Variants in NUP210 observed in about 807,000 individuals in gnomAD.
NUP210 encodes nuclear pore membrane glycoprotein 210.
In NUP210, 151 loss-of-function variants were observed where a neutral mutation model predicts 196.0. That is an observed-to-expected ratio of 0.77 (90% confidence interval 0.67 to 0.88). NUP210 has a LOEUF of 0.88. NUP210 is among the 40% of genes least tolerant of loss of function. The probability of loss-of-function intolerance (pLI) is 0.00; values close to 1 mark genes in which losing one functional copy is unlikely to be tolerated. For missense variants in NUP210, 2,314 were observed against 2,493.7 expected (o/e 0.93, Z 1.53); for synonymous variants, 1,070 against 1,052.7 (o/e 1.02, Z -0.32).
rs1236830083 is a variant in NUP210 at position 13,316,347 on chromosome 3, A to T, written c.*1334T>A. The T allele has an allele frequency of 1.3e-5, 2 of 152,272 alleles. No individual in the cohort carries two copies. The highest frequency in any genetic ancestry group is 4.8e-5 in the African/African-American group (2 of 41,462). 9.4% of individuals were successfully genotyped at this position (152,272 alleles called of 1,614,324 possible). ...GCAAGGCACAATTCTTCCTTTCTCCAGCTTTAGAAAAATCAACCACATGGC... is the reference window on the plus strand; with the variant it reads ...GCAAGGCACAATTCTTCCTTTCTCCTGCTTTAGAAAAATCAACCACATGGC... On this transcript the variant is annotated 3_prime_UTR_variant, in exon 40 of 40. Transcript: ENST00000254508.
Position 13,332,291 on chromosome 3 carries a change from A to G in NUP210, c.3935+2T>C. The stretch of plus-strand genomic sequence containing the variant: ...GCTGGAAACAAGAGCTGAGTCACGT[A>G]CCTGTTTGTCTGCAGCTTTATATAT... On this transcript the variant is annotated splice_donor_variant, in intron 29 of 39. Coordinates refer to ENST00000254508, the MANE Select transcript of NUP210 (RefSeq NM_024923.4). LOFTEE classifies it high-confidence loss of function. 2 of 1,611,522 alleles carry G rather than the reference A, an allele frequency of 1.2e-6. No individual in the cohort carries two copies. The highest frequency in any genetic ancestry group is 2.2e-5 in the East Asian group (1 of 44,842).
intron 26 of NUP210, 193 bp from the exon 27 acceptor site, chr3:13,337,111 A>C (rs1461167956): frequency 3.6e-6 from 2 of 552,148 alleles, no homozygotes; most frequent in Non-Finnish European, 6.3e-6. Context: ...TTTTCCCCAT[A>C]CTGTCCCTCC....
intron 1 of NUP210, among the ~76,000 whole-genome samples, chr3:13,406,913 C>A (rs1700023686): frequency 6.6e-6 from 1 of 151,298 alleles, no homozygotes; most frequent in Non-Finnish European, 1.5e-5. Context: ...TCCCAGGGAC[C>A]CCTCATGTAG....
intron 20 of NUP210, among the ~76,000 whole-genome samples, chr3:13,349,837 A>G (rs553981858): frequency 6.6e-6 from 1 of 152,366 alleles, no homozygotes; most frequent in Admixed American, 6.5e-5. Context: ...TGTGGGCTAC[A>G]CTGGAGGCCG....
intron 6 of NUP210, among the ~76,000 whole-genome samples, chr3:13,384,409 T>C (rs1699208505): frequency 6.6e-6 from 1 of 152,186 alleles, no homozygotes. Context: ...GTTTTCCTCA[T>C]GTATGAAACA....
At position 13,323,492 on chromosome 3, in the gene NUP210, C is replaced by T. The variant is rs1377605002; in HGVS notation, c.4645-60G>A. The T allele has an allele frequency of 2.2e-5, 35 of 1,590,090 alleles. No homozygotes were observed. The highest frequency in any genetic ancestry group is 2.1e-5 in the Non-Finnish European group (25 of 1,163,390). ...CGCCTGTGTCCCGGTCCATGCTGGG[C>T]GTTTCCACAACCTCACCCTGCAGTC... On this transcript the variant is annotated intron_variant, in intron 33 of 39. Transcript: ENST00000254508. The surrounding 1 kb of genome is among the most constrained non-coding windows in gnomAD (Gnocchi z 4.3).
At chr3:13,413,179 TGC>T (rs1559352173) in intron 1 of NUP210, among the ~76,000 whole-genome samples, 1 of 148,220 alleles carries the variant, frequency 6.7e-6, no homozygotes, top group Non-Finnish European at 1.5e-5. Flanking sequence ...GCAGAAGAAT[TGC>T]TTGAGGCCGG....
intron 21 of NUP210, 78 bp downstream of exon 21, chr3:13,343,097 A>T (rs898143140): frequency 5.1e-6 from 8 of 1,561,370 alleles, no homozygotes; most frequent in Non-Finnish European, 7.0e-6. Flanking sequence ...GGCCATGCGG[A>T]ACATTCCTCC....
chr3:13,356,460 T>C (rs1004133066), intron 16 of NUP210, among the ~76,000 whole-genome samples: 1 of 152,128 alleles, frequency 6.6e-6, no homozygotes, highest in Non-Finnish European at 1.5e-5. Flanking sequence ...CTGACCAATA[T>C]GGTGAAACCC....
At position 13,321,850 on chromosome 3, in the gene NUP210, G is replaced by T. The variant is rs1189214926; in HGVS notation, c.4916-15C>A. On this transcript the variant is annotated splice_polypyrimidine_tract_variant and intron_variant, in intron 35 of 39. Coordinates refer to ENST00000254508, the MANE Select transcript of NUP210 (RefSeq NM_024923.4). ...GAAGTACTGGCCTGCGAAGACAAGG[G>T]TGTATTGTCTTGTCCCCTCTCCTGC... is the stretch of plus-strand genomic sequence containing the variant. The T allele has an allele frequency of 6.3e-7, 1 of 1,599,746 alleles. No homozygotes were observed. The highest frequency in any genetic ancestry group is 1.3e-5 in the African/African-American group (1 of 74,904).
At chr3:13,383,266 A>G (rs79600286) in intron 6 of NUP210, among the ~76,000 whole-genome samples, 3,598 of 152,274 alleles carry the variant, frequency 0.024, 148 homozygotes, top group African/African-American at 0.081. Flanking sequence ...TCTGGAATCT[A>G]CTGCAGTAGC....
intron 25 of NUP210, among the ~76,000 whole-genome samples, chr3:13,338,141 C>G: frequency 6.6e-6 from 1 of 152,234 alleles, no homozygotes; most frequent in East Asian, 1.9e-4. Context: ...CAGGTCCCAA[C>G]CCAGTCCCCT....
At chr3:13,359,096 G>A (rs993712422) in intron 15 of NUP210, among the ~76,000 whole-genome samples, 8 of 152,240 alleles carry the variant, frequency 5.3e-5, no homozygotes, top group South Asian at 2.1e-4. Flanking sequence ...TGGAGGACAC[G>A]AGCCCCTACC....
At position 13,347,123 on chromosome 3, in the gene NUP210, C is replaced by T; in HGVS notation, c.2836-3820G>A. 1.0e-6 allele frequency: 1 copy of T among 985,460 alleles called. No homozygotes were observed. The highest frequency in any genetic ancestry group is 1.7e-5 in the African/African-American group (1 of 57,374). The allele number at this position is 985,460 out of a possible 1,614,324, so 61.0% of individuals were successfully genotyped here. Reference sequence around the variant, plus strand: ...TGGCCCCATGACGGGCTGCGCCTCACAGGACCCAGGAGATGGAGAGAAGCA... The same window carrying T: ...TGGCCCCATGACGGGCTGCGCCTCATAGGACCCAGGAGATGGAGAGAAGCA... On this transcript the variant is annotated intron_variant, in intron 20 of 39. Coordinates refer to ENST00000254508, the MANE Select transcript of NUP210 (RefSeq NM_024923.4). The surrounding 1 kb of genome is among the most constrained non-coding windows in gnomAD (Gnocchi z 4.7).
intron 1 of NUP210, among the ~76,000 whole-genome samples, chr3:13,406,625 C>A (rs1700010736): frequency 1.3e-5 from 2 of 152,232 alleles, no homozygotes; most frequent in African/African-American, 4.8e-5. Context: ...TAGCCCAGTT[C>A]ACTTGGATTC....
rs763099751 is a variant in NUP210 at position 13,379,642 on chromosome 3, C to A, written c.897G>T (p.Pro299=). 6.2e-7 allele frequency: 1 copy of A among 1,614,090 alleles called. No homozygotes were observed. Among genetic ancestry groups the A allele is most frequent in the Non-Finnish European group, 8.5e-7 (1 of 1,180,018 alleles). The part of the protein sequence containing the change: ...IPGPEGDPAR[P]VAVLAQDTSM... ...ACGTGTCCTGGGCCAAGACAGCCAC[C>A]GGCCGGGCTGGGTCTCCTTCGGGGC... Residue 299 remains proline, a synonymous_variant, in exon 7 of 40, where the codon CCG becomes CCT. Coordinates refer to ENST00000254508, the MANE Select transcript of NUP210 (RefSeq NM_024923.4). The surrounding 1 kb of genome is among the most constrained non-coding windows in gnomAD (Gnocchi z 4.2).
chr3:13,389,107 C>T (rs2655246), intron 4 of NUP210, among the ~76,000 whole-genome samples: 1 of 152,260 alleles, frequency 6.6e-6, no homozygotes, highest in African/African-American at 2.4e-5. Context: ...CACTGTTCCC[C>T]TGCACAAGAG....
intron 10 of NUP210, among the ~76,000 whole-genome samples, chr3:13,375,850 T>C (rs895417163): frequency 2.0e-5 from 3 of 151,780 alleles, no homozygotes; most frequent in Non-Finnish European, 2.9e-5. Context: ...GCTGCCTGAC[T>C]GAATCCTCAG....
At position 13,333,119 on chromosome 3, in the gene NUP210, G is replaced by A. The variant is rs138199297; in HGVS notation, c.3844-735C>T. On this transcript the variant is annotated intron_variant, in intron 28 of 39. Transcript: ENST00000254508. The stretch of plus-strand genomic sequence containing the variant: ...AGGGGCCTGGTGAGGAGCTCAGTCC[G>A]GCAAATGATCAGCCTCATGAGGTCG... Among the ~76,000 whole-genome samples, 964 of 152,306 alleles carry A rather than the reference G, an allele frequency of 6.3e-3. 13 individuals are homozygous for A. The highest frequency in any genetic ancestry group is 0.031 in the South Asian group (151 of 4,826).
Sources: allele counts gnomAD v4.1 joint callset (sites outside exome capture counted in the v4.1 genomes callset), GRCh38; gene constraint gnomAD v4.1.1; non-coding constraint Gnocchi (gnomAD v3.1); transcripts MANE v1.5; gene names NCBI Gene and HGNC (gene_info 2026-07-23, HGNC 2026-07-21).